The following DGAT2 variants were observed in gnomAD, a reference collection of about 807,000 sequenced individuals.
DGAT2 encodes the protein diacylglycerol O-acyltransferase 2.
In DGAT2, 33 loss-of-function variants were observed where a neutral mutation model predicts 48.4. The ratio of observed to expected loss-of-function variants is 0.68; its 90% confidence interval spans 0.52 to 0.91. DGAT2 has a LOEUF of 0.91. Among genes scored for constraint, DGAT2 ranks in the 40% least tolerant of loss-of-function variants. The pLI is 0.00. For missense variants in DGAT2, 446 were observed against 493.7 expected, an observed-to-expected ratio of 0.90 and a Z score of 0.92; for synonymous variants, 191 against 194.1, an observed-to-expected ratio of 0.98 and a Z score of 0.13.
chr11:75,789,206 G>C (rs1044849034), intron 2 of DGAT2, among the ~76,000 whole-genome samples: 2 of 151,960 alleles, frequency 1.3e-5, no homozygotes, highest in Non-Finnish European at 2.9e-5. Context: ...TTGCAGTGTA[G>C]TGGCGCGATC....
intron 1 of DGAT2, among the ~76,000 whole-genome samples, chr11:75,777,844 C>T (rs898290677): frequency 6.6e-6 from 1 of 152,214 alleles, no homozygotes; most frequent in African/African-American, 2.4e-5. Flanking sequence ...CTGCCCCTCT[C>T]TCTATCTCAT....
Position 75,797,238 on chromosome 11 carries a change from G to A in DGAT2, c.715G>A (p.Gly239Arg), listed in dbSNP as rs893767547. The A allele has an allele frequency of 5.1e-6, 8 of 1,582,506 alleles. No individual in the cohort carries two copies. The highest frequency in any genetic ancestry group is 1.7e-4 in the Middle Eastern group (1 of 5,940). The change falls in exon 6 of 8, where the codon GGG (glycine) becomes AGG (arginine). Residue 239 changes from glycine (G) to arginine (R), a missense_variant. Transcript: ENST00000228027. ...GSGNAIIIVV[G>R]GAAESLSSMP... ...TGGCAATGCTATCATCATCGTGGTC[G>A]GGGGTGCGGCTGAGTCTCTGAGCTC...
intron 1 of DGAT2, among the ~76,000 whole-genome samples, chr11:75,779,391 C>CT (rs1944836882): frequency 6.6e-6 from 1 of 152,184 alleles, no homozygotes; most frequent in Admixed American, 6.5e-5. Flanking sequence ...TGAATACCTT[C>CT]TTTAAGTCCT....
chr11:75,769,253 C>T, intron 1 of DGAT2, 141 bp downstream of exon 1: 1 of 1,075,226 alleles, frequency 9.3e-7, no homozygotes, highest in South Asian at 2.5e-5. Context: ...TGTTACATCG[C>T]TTTCCACCCG....
chr11:75,770,472 C>T (rs560405513), intron 1 of DGAT2, among the ~76,000 whole-genome samples: 48 of 152,302 alleles, frequency 3.2e-4, no homozygotes, highest in Non-Finnish European at 6.0e-4. Flanking sequence ...CACTTGAGTC[C>T]TTTTCTGTTC....
intron 2 of DGAT2, among the ~76,000 whole-genome samples, chr11:75,786,357 G>T (rs181112666): frequency 6.6e-6 from 1 of 152,232 alleles, no homozygotes; most frequent in East Asian, 1.9e-4. Context: ...CTGGGACCAG[G>T]ACAAGAACCC....
intron 1 of DGAT2, among the ~76,000 whole-genome samples, chr11:75,777,536 A>G (rs1944814283): frequency 6.6e-6 from 1 of 152,174 alleles, no homozygotes; most frequent in Non-Finnish European, 1.5e-5. Flanking sequence ...AATTCCCACA[A>G]CAATCTGGTG....
chr11:75,788,073 T>G (rs1944940814), intron 2 of DGAT2, among the ~76,000 whole-genome samples: 1 of 152,110 alleles, frequency 6.6e-6, no homozygotes, highest in Non-Finnish European at 1.5e-5. Context: ...CTCTGGTCCT[T>G]TTACCCCTCA....
chr11:75,775,236 G>A (rs1248206403), intron 1 of DGAT2, among the ~76,000 whole-genome samples: 1 of 152,200 alleles, frequency 6.6e-6, no homozygotes. Context: ...CTAGAGAGGG[G>A]AGGAAGAGGC....
chr11:75,791,106 C>T (rs1426326586), intron 4 of DGAT2, among the ~76,000 whole-genome samples: 4 of 152,258 alleles, frequency 2.6e-5, no homozygotes, highest in Admixed American at 1.3e-4. Flanking sequence ...AAAGACCTGT[C>T]TGGCCAGCTC....
At position 75,801,258 on chromosome 11, in the gene DGAT2, G is replaced by C. The variant is rs796246507; in HGVS notation, c.*750G>C. 9.2e-5 allele frequency: 14 copies of C among 152,742 alleles called. No individual in the cohort carries two copies. The highest frequency in any genetic ancestry group is 3.4e-4 in the African/African-American group (14 of 41,570). The allele number at this position is 152,742 out of a possible 1,614,324, so 9.5% of individuals were successfully genotyped here. A position where few individuals can be genotyped will look rare whatever the true frequency, so the allele number is the denominator to read the frequency against. On this transcript the variant is annotated 3_prime_UTR_variant, in exon 8 of 8. Coordinates refer to ENST00000228027, the MANE Select transcript of DGAT2 (RefSeq NM_032564.5). The stretch of plus-strand genomic sequence containing the variant: ...GACTCAGCCTTGGCCTGGAGCACAT[G>C]CTTACTGGTGGCCTCAGTTTACCTT...
chr11:75,777,386 C>T (rs545276651), intron 1 of DGAT2, among the ~76,000 whole-genome samples: 1 of 152,152 alleles, frequency 6.6e-6, no homozygotes, highest in African/African-American at 2.4e-5. Context: ...AGCCTGTCGC[C>T]TACGCCTCTG....
intron 2 of DGAT2, 66 bp from the exon 3 acceptor site, chr11:75,790,122 A>AT: frequency 1.7e-6 from 2 of 1,198,404 alleles, no homozygotes; most frequent in Non-Finnish European, 2.5e-6. Context: ...CACTCACTCC[A>AT]TCCACCATGG....
intron 1 of DGAT2, among the ~76,000 whole-genome samples, chr11:75,782,525 G>C (rs1944877395): frequency 6.6e-6 from 1 of 152,240 alleles, no homozygotes; most frequent in African/African-American, 2.4e-5. Context: ...TGGCTCAGGA[G>C]GCAGAGCCAG....
chr11:75,792,759 A>T (rs1225857450), intron 4 of DGAT2: 2 of 151,734 alleles, frequency 1.3e-5, no homozygotes, highest in Non-Finnish European at 2.9e-5. Flanking sequence ...TGGAGAGGAG[A>T]CTAGGAAACA....
chr11:75,793,554 G>C (rs1369985299), intron 4 of DGAT2: 1 of 152,252 alleles, frequency 6.6e-6, no homozygotes, highest in Non-Finnish European at 1.5e-5. Flanking sequence ...CCCTTTTCTA[G>C]GCCTCAGCTT....
At chr11:75,788,177 C>T (rs775463295) in intron 2 of DGAT2, among the ~76,000 whole-genome samples, 6 of 152,144 alleles carry the variant, frequency 3.9e-5, no homozygotes, top group Non-Finnish European at 7.4e-5. Context: ...GGAGCATCCA[C>T]CTAGAGGATG....
chr11:75,799,147 C>A lies in DGAT2; in HGVS notation c.1012+718C>A, dbSNP rs1945086782. On this transcript the variant is annotated intron_variant, in intron 7 of 7. Coordinates refer to ENST00000228027, the MANE Select transcript of DGAT2 (RefSeq NM_032564.5). ...CACACAGATCCTTTGCGTTCCTAGG[C>A]CAGGTGTCCTGCCTTGTACTTTTAG... Among the ~76,000 whole-genome samples the A allele has an allele frequency of 2.0e-5, 3 of 152,142 alleles. No homozygotes were observed. In the South Asian group the frequency reaches 6.2e-4, roughly 32 times the overall value.
At chr11:75,787,925 T>G (rs1297408422) in intron 2 of DGAT2, among the ~76,000 whole-genome samples, 1 of 152,092 alleles carries the variant, frequency 6.6e-6, no homozygotes, top group Admixed American at 6.5e-5. Context: ...AGGCTAGAAT[T>G]CAGTCTCTGG....
Sources: gnomAD v4.1 joint callset for allele counts (sites outside exome capture counted in the v4.1 genomes callset) on GRCh38, gnomAD v4.1.1 for gene constraint, MANE v1.5 for transcripts, NCBI Gene and HGNC (gene_info 2026-07-23, HGNC 2026-07-21) for gene names.